Variants in MTREX observed in about 807,000 individuals in gnomAD.
The protein encoded by MTREX is Mtr4 exosome RNA helicase.
In MTREX, 76 loss-of-function variants were observed where a neutral mutation model predicts 135.4. The observed-to-expected ratio is 0.56, with a 90% CI of 0.47 to 0.68. The LOEUF (loss-of-function observed/expected upper bound fraction) is 0.68, where lower values mean the gene tolerates loss of function less well. MTREX is among the 30% of genes least tolerant of loss of function. MTREX has a pLI of 0.00. For missense variants in MTREX, 920 were observed against 1,262.1 expected (o/e 0.73, Z 4.11); for synonymous variants, 404 against 401.6 (o/e 1.01, Z -0.07).
chr5:55,336,479 A>T (rs1415555932), intron 5 of MTREX, among the ~76,000 whole-genome samples: 1 of 152,192 alleles, frequency 6.6e-6, no homozygotes, highest in Non-Finnish European at 1.5e-5. Context: ...TTTTCCATCT[A>T]TTGAGGAAAT....
intron 9 of MTREX, 148 bp downstream of exon 9, chr5:55,344,768 T>C (rs996027659): frequency 4.0e-5 from 23 of 575,412 alleles, no homozygotes; most frequent in Non-Finnish European, 6.6e-5. Flanking sequence ...TTGATTTTTT[T>C]GTGTGTTTTT....
intron 25 of MTREX, among the ~76,000 whole-genome samples, chr5:55,422,413 T>G (rs968254220): frequency 6.6e-6 from 1 of 152,188 alleles, no homozygotes; most frequent in Non-Finnish European, 1.5e-5. Context: ...AAAAACAGTC[T>G]GTTGCATTCT....
At chr5:55,401,040 CGT>C (rs143537186) in intron 21 of MTREX, among the ~76,000 whole-genome samples, 35 of 151,738 alleles carry the variant, frequency 2.3e-4, no homozygotes, top group African/African-American at 8.4e-4. Context: ...TCCGTGCATG[CGT>C]GTGTGTGTGT....
chr5:55,381,046 G>A (rs1380010768), intron 18 of MTREX, among the ~76,000 whole-genome samples: 1 of 152,070 alleles, frequency 6.6e-6, no homozygotes, highest in Non-Finnish European at 1.5e-5. Flanking sequence ...CAGATTGTCT[G>A]TAATTTATTG....
In MTREX at chr5:55,424,655, T is replaced by A. The variant is rs1751119673; in HGVS notation, c.3077-65T>A. ...GGGTTGGTATACTGGCTTTAAAATT[T>A]CGGTAGAGGCAAGTTAGGTGTTTTG... is the stretch of plus-strand genomic sequence containing the variant. On this transcript the variant is annotated intron_variant, in intron 26 of 26. Transcript: ENST00000230640. The A allele has an allele frequency of 5.0e-6, 6 of 1,193,112 alleles. No individual in the cohort carries two copies. In the East Asian group the frequency reaches 7.0e-5, roughly 14 times the overall value. The allele number at this position is 1,193,112 out of a possible 1,614,324, so 73.9% of individuals were successfully genotyped here.
At chr5:55,335,030 T>C (rs1749532993) in intron 5 of MTREX, among the ~76,000 whole-genome samples, 2 of 152,084 alleles carry the variant, frequency 1.3e-5, no homozygotes, top group East Asian at 1.9e-4. Context: ...TTTTTTATTA[T>C]ACCCATTTCA....
chr5:55,344,685 G>T, intron 9 of MTREX, 65 bp downstream of exon 9: 1 of 943,004 alleles, frequency 1.1e-6, no homozygotes, highest in Non-Finnish European at 1.6e-6. Context: ...TCTTGTTGTT[G>T]TTGTTTTTAA....
chr5:55,310,908 G>C (rs1749102097), intron 1 of MTREX, among the ~76,000 whole-genome samples: 2 of 152,172 alleles, frequency 1.3e-5, no homozygotes, highest in Admixed American at 1.3e-4. Flanking sequence ...CTCCTGAATA[G>C]CTAGAAGTAC....
At chr5:55,417,253 A>C (rs760515349) in intron 25 of MTREX, among the ~76,000 whole-genome samples, 34 of 152,192 alleles carry the variant, frequency 2.2e-4, no homozygotes, top group Admixed American at 1.2e-3. Flanking sequence ...CCCAGTAAGT[A>C]CTATATGCCA....
chr5:55,373,524 G>T (rs1271102692), intron 16 of MTREX, among the ~76,000 whole-genome samples: 1 of 151,934 alleles, frequency 6.6e-6, no homozygotes, highest in Non-Finnish European at 1.5e-5. Context: ...TTGTGTTTAG[G>T]ACCTTTTTAG....
At chr5:55,391,776 G>A (rs887916145) in intron 19 of MTREX, among the ~76,000 whole-genome samples, 1 of 152,122 alleles carries the variant, frequency 6.6e-6, no homozygotes, top group Non-Finnish European at 1.5e-5. Context: ...TATAACCTGT[G>A]GGCCCCTGAT....
At chr5:55,380,293 C>T (rs943210601) in intron 18 of MTREX, among the ~76,000 whole-genome samples, 2 of 152,034 alleles carry the variant, frequency 1.3e-5, no homozygotes, top group Admixed American at 6.6e-5. Context: ...ACAATTTTCC[C>T]GGTTAGGGTG....
chr5:55,357,857 A>G (rs1008510619), intron 14 of MTREX, among the ~76,000 whole-genome samples: 61 of 152,336 alleles, frequency 4.0e-4, no homozygotes, highest in Admixed American at 3.3e-4. Context: ...ACCTTCTTCT[A>G]TCAGGTTGTT....
At position 55,369,553 on chromosome 5, in the gene MTREX, A is replaced by G. The variant is rs150107099; in HGVS notation, c.1810+2678A>G. On this transcript the variant is annotated intron_variant, in intron 16 of 26. Transcript: ENST00000230640. The stretch of plus-strand genomic sequence containing the variant: ...AGGGAAAACTCCCAAATATTATCCC[A>G]TTTTTTTAAAGCCTGTTTTCTGACT... Among the ~76,000 whole-genome samples the G allele has an allele frequency of 6.3e-3, 964 of 152,264 alleles. 15 individuals carry two copies. The highest frequency in any genetic ancestry group is 0.021 in the African/African-American group (858 of 41,552).
chr5:55,389,873 G>A (rs1750538703), intron 19 of MTREX, among the ~76,000 whole-genome samples: 2 of 151,950 alleles, frequency 1.3e-5, no homozygotes, highest in African/African-American at 4.8e-5. Context: ...TGTTTGCCTT[G>A]TAGATTATCT....
At chr5:55,346,621 C>T (rs1749737180) in intron 10 of MTREX, among the ~76,000 whole-genome samples, 1 of 152,136 alleles carries the variant, frequency 6.6e-6, no homozygotes, top group Middle Eastern at 3.4e-3. Flanking sequence ...GCTTATTGGC[C>T]ATTTGCATAT....
Position 55,392,767 on chromosome 5 carries a change from G to A in MTREX, c.2182-4649G>A, listed in dbSNP as rs575518727. Among the ~76,000 whole-genome samples the A allele has an allele frequency of 1.1e-4, 17 of 152,258 alleles. No homozygotes were observed. In the East Asian group the frequency reaches 3.3e-3, roughly 29 times the overall value. ...TGGCCTTCTAGATTTCCAGAAATGT[G>A]TGGGAGCTTTTCTAATTCCCCATGA... On this transcript the variant is annotated intron_variant, in intron 19 of 26. Transcript: ENST00000230640.
chr5:55,359,321 GT>G (rs1749971888), intron 15 of MTREX, among the ~76,000 whole-genome samples: 1 of 152,178 alleles, frequency 6.6e-6, no homozygotes, highest in African/African-American at 2.4e-5. Context: ...AGAGAAAAGT[GT>G]TAATAAGATA....
chr5:55,403,461 A>AT (rs1244064205), intron 21 of MTREX, among the ~76,000 whole-genome samples: 4 of 152,238 alleles, frequency 2.6e-5, no homozygotes, highest in Non-Finnish European at 5.9e-5. Context: ...CTTCAGTAAT[A>AT]TTTTTATTTA....
Sources: gnomAD v4.1 joint callset for allele counts (sites outside exome capture counted in the v4.1 genomes callset) on GRCh38, gnomAD v4.1.1 for gene constraint, MANE v1.5 for transcripts, NCBI Gene and HGNC (gene_info 2026-07-23, HGNC 2026-07-21) for gene names.